Variants in PPFIA2 observed in about 807,000 individuals in gnomAD.
PPFIA2 encodes PPFI scaffold protein A2.
Under a neutral mutation model 175.5 loss-of-function variants are expected in PPFIA2, and 46 were observed. The observed-to-expected ratio is 0.26, with a 90% CI of 0.21 to 0.34. The LOEUF is 0.34. Ranked by LOEUF, PPFIA2 falls within the 10% of genes least tolerant of loss-of-function variation. PPFIA2 has a pLI of 1.00. For missense variants in PPFIA2, 1,179 were observed against 1,506.1 expected (o/e 0.78, Z 3.60); for synonymous variants, 568 against 511.4 (o/e 1.11, Z -1.49).
At chr12:81,449,366 C>G (rs987975157) in intron 5 of PPFIA2, among the ~76,000 whole-genome samples, 1 of 152,000 alleles carries the variant, frequency 6.6e-6, no homozygotes, top group Non-Finnish European at 1.5e-5. Flanking sequence ...TTTTTCCTCA[C>G]TATAATAAAC....
At chr12:81,707,402 C>T (rs999796758) in intron 3 of PPFIA2, among the ~76,000 whole-genome samples, 4 of 152,090 alleles carry the variant, frequency 2.6e-5, no homozygotes, top group African/African-American at 7.2e-5. Flanking sequence ...ATTTATGCAG[C>T]CAAAAAACAC....
intron 4 of PPFIA2, among the ~76,000 whole-genome samples, chr12:81,460,516 G>A (rs139905354): frequency 2.0e-4 from 30 of 152,186 alleles, no homozygotes; most frequent in African/African-American, 7.0e-4. Context: ...GGAACTAGAA[G>A]GTCCAAAGTA....
At chr12:81,331,281 T>A (rs2056073477) in intron 21 of PPFIA2, among the ~76,000 whole-genome samples, 2 of 152,230 alleles carry the variant, frequency 1.3e-5, no homozygotes, top group Non-Finnish European at 2.9e-5. Flanking sequence ...ATATTGTGGA[T>A]TTTTTATAGC....
intron 4 of PPFIA2, among the ~76,000 whole-genome samples, chr12:81,591,003 G>A (rs1168413758): frequency 1.3e-5 from 2 of 152,140 alleles, no homozygotes; most frequent in Non-Finnish European, 2.9e-5. Flanking sequence ...AAGAAGACAG[G>A]AAAATGTGGG....
At chr12:81,368,275 T>A (rs1225181519) in intron 13 of PPFIA2, 2 of 654,402 alleles carry the variant, frequency 3.1e-6, no homozygotes, top group African/African-American at 3.8e-5. Flanking sequence ...TCTACTGGGA[T>A]TGATACTAGT....
intron 7 of PPFIA2, among the ~76,000 whole-genome samples, chr12:81,435,852 G>C (rs138870510): frequency 1.3e-5 from 2 of 152,126 alleles, no homozygotes; most frequent in African/African-American, 4.8e-5. Context: ...ACTGTAACAA[G>C]GAGAAACTCA....
chr12:81,600,686 G>A (rs1388344980), intron 4 of PPFIA2, among the ~76,000 whole-genome samples: 1 of 151,804 alleles, frequency 6.6e-6, no homozygotes, highest in Non-Finnish European at 1.5e-5. Context: ...AGTTATATAT[G>A]TGAAATATTC....
At chr12:81,477,188 C>T (rs2057582440) in intron 4 of PPFIA2, among the ~76,000 whole-genome samples, 1 of 151,342 alleles carries the variant, frequency 6.6e-6, no homozygotes, top group African/African-American at 2.4e-5. Context: ...CGTGCACATA[C>T]TGTACATGTA....
chr12:81,711,081 A>T (rs1165376344), intron 3 of PPFIA2, among the ~76,000 whole-genome samples: 4 of 150,934 alleles, frequency 2.7e-5, no homozygotes, highest in Non-Finnish European at 5.9e-5. Flanking sequence ...AATCAAAAAC[A>T]TTAGCCAGGT....
At chr12:81,557,040 AT>A (rs200170330) in intron 4 of PPFIA2, among the ~76,000 whole-genome samples, 133 of 150,706 alleles carry the variant, frequency 8.8e-4, no homozygotes, top group Non-Finnish European at 1.7e-3. Context: ...GATGACTGGC[AT>A]TTTTTTTTCC....
At chr12:81,549,930 C>T (rs1275277010) in intron 4 of PPFIA2, among the ~76,000 whole-genome samples, 1 of 151,588 alleles carries the variant, frequency 6.6e-6, no homozygotes, top group African/African-American at 2.4e-5. Flanking sequence ...TAAACCATCC[C>T]CAAATAATTT....
At chr12:81,665,809 C>T (rs2070104267) in intron 4 of PPFIA2, among the ~76,000 whole-genome samples, 2 of 151,702 alleles carry the variant, frequency 1.3e-5, no homozygotes, top group African/African-American at 4.8e-5. Context: ...AAAGAAACTA[C>T]CATCAGAGTG....
intron 8 of PPFIA2, among the ~76,000 whole-genome samples, chr12:81,391,623 C>G (rs2040141000): frequency 6.6e-6 from 1 of 151,816 alleles, no homozygotes; most frequent in South Asian, 2.1e-4. Flanking sequence ...GTTCAATATC[C>G]TCACAGCTAG....
chr12:81,685,356 TA>T (rs2074280630), intron 3 of PPFIA2, among the ~76,000 whole-genome samples: 2 of 152,046 alleles, frequency 1.3e-5, no homozygotes, highest in Non-Finnish European at 2.9e-5. Context: ...GCAGGAAACA[TA>T]CAGACCAATT....
intron 3 of PPFIA2, among the ~76,000 whole-genome samples, chr12:81,689,123 T>A (rs1409979201): frequency 4.6e-5 from 5 of 108,612 alleles, no homozygotes; most frequent in Non-Finnish European, 8.7e-5. Flanking sequence ...GATCTTAAAT[T>A]TAAAAAAAAA....
intron 7 of PPFIA2, among the ~76,000 whole-genome samples, chr12:81,439,292 G>A (rs1445168194): frequency 3.4e-5 from 5 of 148,958 alleles, no homozygotes; most frequent in African/African-American, 1.2e-4. Context: ...TATATATATA[G>A]TTTTATATCT....
intron 4 of PPFIA2, among the ~76,000 whole-genome samples, chr12:81,498,424 A>G (rs1227200814): frequency 6.6e-6 from 1 of 151,968 alleles, no homozygotes; most frequent in Non-Finnish European, 1.5e-5. Flanking sequence ...CATGATCTTC[A>G]CAGGTTTGAA....
At chr12:81,651,445 C>G (rs2067006634) in intron 4 of PPFIA2, among the ~76,000 whole-genome samples, 1 of 152,034 alleles carries the variant, frequency 6.6e-6, no homozygotes, top group South Asian at 2.1e-4. Context: ...GTCAATGTAT[C>G]TGTATTGTAT....
chr12:81,415,569 T>C lies in PPFIA2; in HGVS notation c.646-9666A>G, dbSNP rs537700189. On this transcript the variant is annotated intron_variant, in intron 7 of 32. Transcript: ENST00000549396. ...ACACATGGAATTCAAACTCAGTTAG[T>C]TTATAATGATTAAAAAATCCTCTTT... Among the ~76,000 whole-genome samples, 28 of 150,616 alleles carry C rather than the reference T, an allele frequency of 1.9e-4. No homozygotes were observed. In the South Asian group the frequency reaches 5.8e-3, roughly 31 times the overall value.
Sources: allele counts gnomAD v4.1 joint callset (sites outside exome capture counted in the v4.1 genomes callset), GRCh38; gene constraint gnomAD v4.1.1; transcripts MANE v1.5; gene names NCBI Gene and HGNC (gene_info 2026-07-23, HGNC 2026-07-21).